The following WSB2 variants were observed in gnomAD, a reference collection of about 807,000 sequenced individuals.
The protein encoded by WSB2 is WD repeat and SOCS box-containing protein 2.
A neutral mutation model predicts 48.8 loss-of-function variants in WSB2; 12 were observed. That is an observed-to-expected ratio of 0.25 (90% CI 0.16 to 0.40). WSB2 has a LOEUF of 0.40. Ranked by LOEUF, WSB2 falls within the 10% of genes least tolerant of loss-of-function variation. WSB2 has a pLI of 1.00. For synonymous variants in WSB2, 191 were observed against 203.1 expected (o/e 0.94, Z 0.51); for missense variants, 317 against 506.2 (o/e 0.63, Z 3.59).
chr12:118,052,000 T>A (rs1219090540), intron 2 of WSB2, among the ~76,000 whole-genome samples: 1 of 152,146 alleles, frequency 6.6e-6, no homozygotes, highest in African/African-American at 2.4e-5. Flanking sequence ...GTAAGACTGA[T>A]GATGGTGATG....
chr12:118,060,388 C>A lies in WSB2; in HGVS notation c.13+648G>T, dbSNP rs2032038835. Among the ~76,000 whole-genome samples, 1 of 152,152 alleles carries A rather than the reference C, an allele frequency of 6.6e-6. No individual in the cohort carries two copies. The highest frequency in any genetic ancestry group is 2.1e-4 in the South Asian group (1 of 4,826). ...TAAATTTGCCTGATCATACATGTCA[C>A]CAGGGATCAGCGTCTCCAGTCCCGC... is the stretch of plus-strand genomic sequence containing the variant. On this transcript the variant is annotated intron_variant, in intron 1 of 8. Coordinates refer to ENST00000315436, the MANE Select transcript of WSB2 (RefSeq NM_018639.5). The surrounding 1 kb of genome is among the most constrained non-coding windows in gnomAD (Gnocchi z 4.1).
In WSB2 at chr12:118,033,571, A is replaced by G. The variant is rs1019696488; in HGVS notation, c.*625T>C. ...TTAAAAAAAAAAAAAAAAAGCCAGT[A>G]ATAGTGTCTGGATCGGTCAGGAGCA... On this transcript the variant is annotated 3_prime_UTR_variant, in exon 9 of 9. Transcript: ENST00000315436. 1 of 151,724 alleles carries G rather than the reference A, an allele frequency of 6.6e-6. No homozygotes were observed. Among genetic ancestry groups the G allele is most frequent in the African/African-American group, 2.4e-5 (1 of 41,142 alleles). 9.4% of individuals were successfully genotyped at this position (151,724 alleles called of 1,614,324 possible).
chr12:118,041,818 G>C (rs931121234), intron 4 of WSB2, among the ~76,000 whole-genome samples: 1 of 143,836 alleles, frequency 7.0e-6, no homozygotes. Context: ...GCAGTGATGC[G>C]ATCTCAGCTC....
intron 2 of WSB2, 52 bp downstream of exon 2, chr12:118,052,258 C>T (rs1019197935): frequency 3.6e-5 from 58 of 1,593,710 alleles, no homozygotes; most frequent in Non-Finnish European, 4.5e-5. Flanking sequence ...GGCAAAAGAA[C>T]AAGGAGTGTT....
chr12:118,061,956 A>C (rs2032079078), upstream of WSB2: 1 of 777,764 alleles, frequency 1.3e-6, no homozygotes, highest in African/African-American at 1.8e-5. Flanking sequence ...GGGGCTACTC[A>C]ATGGCTCCGG....
chr12:118,036,644 T>A (rs994493986), intron 5 of WSB2, 134 bp from the exon 6 acceptor site: 1 of 928,480 alleles, frequency 1.1e-6, no homozygotes, highest in Non-Finnish European at 1.6e-6. Context: ...TTTCTACAGC[T>A]CTTCCAGAAC....
intron 2 of WSB2, among the ~76,000 whole-genome samples, chr12:118,051,058 A>G (rs568160719): frequency 3.3e-5 from 5 of 152,112 alleles, no homozygotes; most frequent in African/African-American, 1.2e-4. Flanking sequence ...TCTCAAAAAA[A>G]GAAAAAAAAA....
At chr12:118,036,577 G>A (rs2031516603) in intron 5 of WSB2, 67 bp from the exon 6 acceptor site, 51 of 1,496,948 alleles carry the variant, frequency 3.4e-5, no homozygotes, top group Non-Finnish European at 4.3e-5. Context: ...CGGAGGGAGG[G>A]AAAGGTACCA....
chr12:118,034,540 T>C, intron 8 of WSB2, 182 bp from the exon 9 acceptor site: 1 of 678,188 alleles, frequency 1.5e-6, no homozygotes, highest in Non-Finnish European at 2.3e-6. Flanking sequence ...GCTGATAGGA[T>C]TAGAAAAACT....
rs1593472444 is a variant in WSB2, at chr12:118,052,672, C to T, written c.14-194G>A. 3.9e-6 allele frequency: 3 copies of T among 761,412 alleles called. No homozygotes were observed. The East Asian group carries it at 8.2e-5, about 21-fold the overall frequency. 47.2% of individuals were successfully genotyped at this position (761,412 alleles called of 1,614,324 possible). A position where few individuals can be genotyped will look rare whatever the true frequency, so the allele number is the denominator to read the frequency against. Reference sequence around the variant, plus strand: ...CCACGGTTACTCAATCCTGGCACTCCTCACTGCTGGTTAACCATGACTCAC... The same window carrying T: ...CCACGGTTACTCAATCCTGGCACTCTTCACTGCTGGTTAACCATGACTCAC... On this transcript the variant is annotated intron_variant, in intron 1 of 8. Transcript: ENST00000315436.
rs769717186 is a variant in WSB2 at position 118,034,205 on chromosome 12, C to T, written c.1206G>A (p.Arg402=). Reference sequence around the variant, plus strand: ...CAAGATGTGGTGTTGCTTAAAAAGTCCTGTATGTGAGGAACTCTTTCATTT... The same window carrying T: ...CAAGATGTGGTGTTGCTTAAAAAGTTCTGTATGTGAGGAACTCTTTCATTT... ...PKKMKEFLTY[R]TF The change falls in exon 9 of 9, where the codon AGG becomes AGA. Residue 402 remains arginine, a synonymous_variant. Coordinates refer to ENST00000315436, the MANE Select transcript of WSB2 (RefSeq NM_018639.5). 8.1e-6 allele frequency: 13 copies of T among 1,614,170 alleles called. No homozygotes were observed. The highest frequency in any genetic ancestry group is 1.1e-5 in the Non-Finnish European group (13 of 1,180,026).
Position 118,033,848 on chromosome 12 carries a change from G to T in WSB2, c.*348C>A. On this transcript the variant is annotated 3_prime_UTR_variant, in exon 9 of 9. Transcript: ENST00000315436. ...TGTGAGCTGCTCTGCCACTAGAGAG[G>T]CTCTGGAGGCCTACTTAGTTGCATA... The T allele has an allele frequency of 3.6e-6, 1 of 278,654 alleles. No individual in the cohort carries two copies. The highest frequency in any genetic ancestry group is 4.2e-5 in the South Asian group (1 of 23,760). 17.3% of individuals were successfully genotyped at this position (278,654 alleles called of 1,614,324 possible).
At chr12:118,052,206 C>T in intron 2 of WSB2, 104 bp downstream of exon 2, 1 of 1,453,802 alleles carries the variant, frequency 6.9e-7, no homozygotes, top group Non-Finnish European at 9.2e-7. Context: ...ATTCCTGAAC[C>T]ATGAGCCACC....
At chr12:118,044,657 C>T (rs2031709461) in intron 2 of WSB2, among the ~76,000 whole-genome samples, 1 of 152,296 alleles carries the variant, frequency 6.6e-6, no homozygotes, top group East Asian at 1.9e-4. Flanking sequence ...TACAATTCAA[C>T]TTACAGTGAA....
At chr12:118,040,655 A>G (rs1366572672) in intron 4 of WSB2, among the ~76,000 whole-genome samples, 1 of 97,440 alleles carries the variant, frequency 1.0e-5, no homozygotes, top group African/African-American at 3.7e-5. Context: ...GCTCTGTCTC[A>G]AAAAAAAAAA....
At chr12:118,036,658 T>A (rs535775973) in intron 5 of WSB2, 148 bp from the exon 6 acceptor site, 1 of 835,244 alleles carries the variant, frequency 1.2e-6, no homozygotes, top group African/African-American at 1.7e-5. Flanking sequence ...CCAGAACGTG[T>A]GGTGTAGGTT....
In WSB2 at chr12:118,036,189, G is replaced by A. The variant is rs1325088113; in HGVS notation, c.833+149C>T. 2.0e-5 allele frequency: 19 copies of A among 956,578 alleles called. No individual in the cohort carries two copies. The Admixed American group carries it at 2.1e-4, about 11-fold the overall frequency. The allele number at this position is 956,578 out of a possible 1,614,324, so 59.3% of individuals were successfully genotyped here. ...TGCACTCCAGCCTGGGTGACAGAGC[G>A]AGACTCCGTCTCAAAAGAGACCCAC... On this transcript the variant is annotated intron_variant, in intron 6 of 8. Transcript: ENST00000315436.
At chr12:118,057,211 T>G (rs953380263) in intron 1 of WSB2, among the ~76,000 whole-genome samples, 1 of 152,044 alleles carries the variant, frequency 6.6e-6, no homozygotes, top group Admixed American at 6.6e-5. Flanking sequence ...GGTATCTAGC[T>G]TCAACTGGTA....
chr12:118,062,127 C>A, upstream of WSB2: 4 of 1,535,396 alleles, frequency 2.6e-6, no homozygotes, highest in Non-Finnish European at 3.5e-6. Context: ...CTGTCCCCGT[C>A]CCCCTGAGAA....
Sources: gnomAD v4.1 joint callset for allele counts (sites outside exome capture counted in the v4.1 genomes callset) on GRCh38, gnomAD v4.1.1 for gene constraint, Gnocchi (gnomAD v3.1) non-coding constraint, MANE v1.5 for transcripts, NCBI Gene and HGNC (gene_info 2026-07-23, HGNC 2026-07-21) for gene names.